Variants in LPP observed in about 807,000 individuals in gnomAD.
The protein encoded by LPP is LIM domain containing preferred translocation partner in lipoma.
In LPP, 38 loss-of-function variants were observed where a neutral mutation model predicts 60.4. The ratio of observed to expected loss-of-function variants is 0.63; its 90% CI spans 0.49 to 0.83. LPP has a LOEUF of 0.83. Ranked by LOEUF, LPP falls within the 40% of genes least tolerant of loss-of-function variation. LPP has a pLI of 0.00. For synonymous variants in LPP, 328 were observed against 290.8 expected (o/e 1.13, Z -1.30); for missense variants, 902 against 783.6 (o/e 1.15, Z -1.80).
intron 2 of LPP, among the ~76,000 whole-genome samples, chr3:188,248,495 T>TATATATATAC (rs1358563921): frequency 5.8e-5 from 8 of 138,582 alleles, no homozygotes; most frequent in African/African-American, 2.0e-4. Context: ...TATATATATA[T>TATATATATAC]ATACAGTCAG....
intron 5 of LPP, among the ~76,000 whole-genome samples, chr3:188,508,776 T>G (rs1202120605): frequency 6.6e-6 from 1 of 152,250 alleles, no homozygotes; most frequent in Non-Finnish European, 1.5e-5. Flanking sequence ...GGAATTGGGT[T>G]AGAATACATT....
At chr3:188,166,924 C>A (rs1272486298) in intron 1 of LPP, among the ~76,000 whole-genome samples, 1 of 152,032 alleles carries the variant, frequency 6.6e-6, no homozygotes, top group Non-Finnish European at 1.5e-5. Flanking sequence ...AATTGAGTAC[C>A]TTCTTGGCAC....
chr3:188,401,734 T>C (rs1782287022), intron 3 of LPP, among the ~76,000 whole-genome samples: 1 of 152,160 alleles, frequency 6.6e-6, no homozygotes, highest in African/African-American at 2.4e-5. Context: ...ATTTCCACTC[T>C]CAAGGATTTG....
In LPP at chr3:188,874,489, C is replaced by T. The variant is rs1464006381; in HGVS notation, c.*10C>T. 5 of 1,612,992 alleles carry T rather than the reference C, an allele frequency of 3.1e-6. No homozygotes were observed. The highest frequency in any genetic ancestry group is 2.2e-5 in the East Asian group (1 of 44,880). On this transcript the variant is annotated 3_prime_UTR_variant, in exon 12 of 12. Transcript: ENST00000617246. ...GAGCACTGACCTTTAGATTCAGTCA[C>T]CTGTTCAGCCGGCACTGAGAAGAAC... is the stretch of plus-strand genomic sequence containing the variant.
chr3:188,524,611 T>A, intron 5 of LPP, 54 bp from the exon 6 acceptor site: 1 of 1,551,088 alleles, frequency 6.4e-7, no homozygotes, highest in Non-Finnish European at 8.7e-7. Context: ...TTTGAACTTA[T>A]AATGATATCA....
intron 4 of LPP, among the ~76,000 whole-genome samples, chr3:188,452,332 G>A (rs949357694): frequency 1.3e-5 from 2 of 152,224 alleles, no homozygotes; most frequent in Middle Eastern, 3.4e-3. Context: ...AACTGATAGC[G>A]TGTGGGCTCT....
intron 2 of LPP, among the ~76,000 whole-genome samples, chr3:188,315,999 C>T (rs554344020): frequency 1.7e-4 from 26 of 152,270 alleles, no homozygotes; most frequent in African/African-American, 5.3e-4. Flanking sequence ...CCTGTCTGGG[C>T]GCGGTGGCTT....
chr3:188,473,422 G>A (rs891607092), intron 4 of LPP, among the ~76,000 whole-genome samples: 1 of 152,180 alleles, frequency 6.6e-6, no homozygotes, highest in African/African-American at 2.4e-5. Context: ...TTCAGAGAGA[G>A]AGTTGTTCAA....
chr3:188,831,811 G>A (rs1757207323), intron 9 of LPP, among the ~76,000 whole-genome samples: 2 of 152,196 alleles, frequency 1.3e-5, no homozygotes. Context: ...ACCTTAACAT[G>A]TATCATAAAG....
At chr3:188,825,269 C>CTCTGTGTG (rs1463318065) in intron 9 of LPP, among the ~76,000 whole-genome samples, 4,983 of 101,622 alleles carry the variant, frequency 0.049, 216 homozygotes, top group East Asian at 0.2. Flanking sequence ...CTCTCTCTCT[C>CTCTGTGTG]TGTGTGTGTG....
At chr3:188,518,431 T>A (rs1173102545) in intron 5 of LPP, among the ~76,000 whole-genome samples, 1 of 152,202 alleles carries the variant, frequency 6.6e-6, no homozygotes, top group Non-Finnish European at 1.5e-5. Context: ...TTAAGACAGT[T>A]TTATATTCCT....
At chr3:188,507,056 C>G (rs1020149046) in intron 5 of LPP, among the ~76,000 whole-genome samples, 1 of 147,184 alleles carries the variant, frequency 6.8e-6, no homozygotes, top group African/African-American at 2.4e-5. Flanking sequence ...CTCGGCCTCC[C>G]AAAGTGCTGG....
At position 188,421,406 on chromosome 3, in the gene LPP, T is replaced by C. The variant is rs73888477; in HGVS notation, c.193+15093T>C. 3.6e-3 allele frequency among the ~76,000 whole-genome samples: 541 copies of C among 152,232 alleles called. 3 individuals are homozygous for C. Among genetic ancestry groups the C allele is most frequent in the African/African-American group, 0.012 (519 of 41,532 alleles). ...AAAATTGCAAACATCTGGCAATTAC[T>C]CTATTCTACCTCCCTTCAAAAAAGA... On this transcript the variant is annotated intron_variant, in intron 4 of 11. Transcript: ENST00000617246.
chr3:188,250,359 T>C (rs963675321), intron 2 of LPP, among the ~76,000 whole-genome samples: 5 of 152,240 alleles, frequency 3.3e-5, no homozygotes, highest in African/African-American at 1.2e-4. Context: ...ACAAAGATAA[T>C]GTGTCCCTCT....
chr3:188,410,596 G>A (rs940517168), intron 4 of LPP, among the ~76,000 whole-genome samples: 2 of 151,902 alleles, frequency 1.3e-5, no homozygotes, highest in African/African-American at 4.8e-5. Context: ...TACTTCCATT[G>A]TTCTCATTTC....
chr3:188,814,844 G>T lies in LPP; in HGVS notation c.1411-51356G>T, dbSNP rs1752023027. Among the ~76,000 whole-genome samples, 6 of 152,276 alleles carry T rather than the reference G, an allele frequency of 3.9e-5. No individual in the cohort carries two copies. The South Asian group carries it at 1.2e-3, about 32-fold the overall frequency. On this transcript the variant is annotated intron_variant, in intron 9 of 11. Coordinates refer to ENST00000617246, the MANE Select transcript of LPP (RefSeq NM_001375462.1). Reference sequence around the variant, plus strand: ...TCTCTCAGTCTTAAAAGTCAATATGGCAAAGTCATTAGCGGCAGAGCCCAG... The same window carrying T: ...TCTCTCAGTCTTAAAAGTCAATATGTCAAAGTCATTAGCGGCAGAGCCCAG...
At chr3:188,467,932 A>G (rs903920081) in intron 4 of LPP, among the ~76,000 whole-genome samples, 1 of 152,158 alleles carries the variant, frequency 6.6e-6, no homozygotes, top group African/African-American at 2.4e-5. Flanking sequence ...GTTCTTCTAA[A>G]CAACCAAGCT....
intron 9 of LPP, among the ~76,000 whole-genome samples, chr3:188,796,769 C>T (rs557309132): frequency 6.6e-6 from 1 of 152,300 alleles, no homozygotes; most frequent in South Asian, 2.1e-4. Context: ...CCAATTCCAT[C>T]TTATCTACAA....
intron 2 of LPP, among the ~76,000 whole-genome samples, chr3:188,240,320 A>G (rs537212294): frequency 6.6e-6 from 1 of 151,812 alleles, no homozygotes; most frequent in African/African-American, 2.4e-5. Context: ...TGACTGCATA[A>G]GAGTCAGGAG....
Sources: allele counts gnomAD v4.1 joint callset (sites outside exome capture counted in the v4.1 genomes callset), GRCh38; gene constraint gnomAD v4.1.1; transcripts MANE v1.5; gene names NCBI Gene and HGNC (gene_info 2026-07-23, HGNC 2026-07-21).